NLRP2: variants seen among roughly 807,000 people sequenced by gnomAD.
The protein encoded by NLRP2 is NACHT, LRR and PYD domains-containing protein 2.
A neutral mutation model predicts 97.2 loss-of-function variants in NLRP2; 107 were observed. That is an observed-to-expected ratio of 1.10 (90% confidence interval 0.94 to 1.29). The LOEUF (loss-of-function observed/expected upper bound fraction) is 1.29. NLRP2 is among the 50% of genes most tolerant of loss of function. The pLI is 0.00. For synonymous variants in NLRP2, 663 were observed against 551.5 expected (o/e 1.20, Z -2.83); for missense variants, 1,495 against 1,330.3 (o/e 1.12, Z -1.93).
chr19:54,983,072 G>C lies in NLRP2; in HGVS notation c.1374G>C (p.Leu458=). Residue 458 remains leucine, a synonymous_variant, in exon 6 of 13, where the codon CTG becomes CTC. Transcript: ENST00000448584. Reference sequence around the variant, plus strand: ...TGAGCCTCCTGGCCGCGCAGGGCCTGTGGGCGCAGACGTCCGTGCTTCACC... The same window carrying C: ...TGAGCCTCCTGGCCGCGCAGGGCCTCTGGGCGCAGACGTCCGTGCTTCACC... ...RTLSLLAAQG[L]WAQTSVLHRE... is the part of the protein sequence containing the mutation. 6.2e-7 allele frequency: 1 copy of C among 1,612,736 alleles called. No homozygotes were observed. The highest frequency in any genetic ancestry group is 8.5e-7 in the Non-Finnish European group (1 of 1,179,782).
Position 54,981,599 on chromosome 19 carries a change from TGA to T in NLRP2, c.398-16_398-15del. 1.5e-6 allele frequency: 2 copies of T among 1,299,310 alleles called. No homozygotes were observed. Among genetic ancestry groups the T allele is most frequent in the African/African-American group, 1.6e-5 (1 of 63,216 alleles). The allele number at this position is 1,299,310 out of a possible 1,614,324, so 80.5% of individuals were successfully genotyped here. On this transcript the variant is annotated splice_polypyrimidine_tract_variant and intron_variant, in intron 4 of 12. Coordinates refer to ENST00000448584, the MANE Select transcript of NLRP2 (RefSeq NM_017852.5). Reference sequence around the variant, plus strand: ...CACCTGATTTTGTGTCAATCTCACATGAGTTTGTATTTTGTAGCGTTTACAGA... The same window carrying T: ...CACCTGATTTTGTGTCAATCTCACATGTTTGTATTTTGTAGCGTTTACAGA...
At chr19:54,984,901 T>C (rs2071947241) in intron 6 of NLRP2, 146 bp from the exon 7 acceptor site, 1 of 772,296 alleles carries the variant, frequency 1.3e-6, no homozygotes, top group Non-Finnish European at 2.3e-6. Flanking sequence ...GGGTGTTGAG[T>C]TGTCTGATGG....
intron 8 of NLRP2, 144 bp from the exon 9 acceptor site, chr19:54,989,877 GC>G (rs2072341187): frequency 2.5e-6 from 2 of 805,552 alleles, no homozygotes; most frequent in African/African-American, 3.4e-5. Context: ...TGCAGTCCCA[GC>G]TACTCGGGAG....
chr19:54,987,611 G>A lies in NLRP2; in HGVS notation c.2366+1296G>A, dbSNP rs185962106. 1.2e-3 allele frequency among the ~76,000 whole-genome samples: 175 copies of A among 152,160 alleles called. 3 individuals carry two copies. Among genetic ancestry groups the A allele is most frequent in the African/African-American group, 3.9e-3 (162 of 41,508 alleles). On this transcript the variant is annotated intron_variant, in intron 8 of 12. Coordinates refer to ENST00000448584, the MANE Select transcript of NLRP2 (RefSeq NM_017852.5). ...ACAAAAATTAGCTGGGCATGTTGGC[G>A]CACGCCTGTAGTCCCAGCTACTCAG...
chr19:54,970,442 A>G (rs1306864982), intron 2 of NLRP2, 147 bp downstream of exon 2: 1 of 844,716 alleles, frequency 1.2e-6, no homozygotes, highest in Non-Finnish European at 1.9e-6. Flanking sequence ...CCTGAGGGTC[A>G]GGAGTTTGAG....
Position 54,994,369 on chromosome 19 carries a change from A to C in NLRP2, c.2809A>C (p.Ile937Leu). The C allele has an allele frequency of 1.2e-6, 2 of 1,614,060 alleles. No homozygotes were observed. Among genetic ancestry groups the C allele is most frequent in the Non-Finnish European group, 1.7e-6 (2 of 1,180,040 alleles). The change falls in exon 11 of 13, where the codon ATA becomes CTA. Residue 937 changes from isoleucine (I) to leucine (L), a missense_variant. Ile to Leu is a conservative substitution (Grantham distance 5). Coordinates refer to ENST00000448584, the MANE Select transcript of NLRP2 (RefSeq NM_017852.5). Reference protein sequence around the residue: ...LLCLDLGLNHIGVKGMKFLCE... With the variant: ...LLCLDLGLNHLGVKGMKFLCE... Reference sequence around the variant, plus strand: ...GTGTTTGGATCTGGGGCTGAATCACATAGGAGTTAAGGGAATGAAGTTCCT... The same window carrying C: ...GTGTTTGGATCTGGGGCTGAATCACCTAGGAGTTAAGGGAATGAAGTTCCT...
At chr19:54,967,218 C>T (rs2070508091) in intron 1 of NLRP2, among the ~76,000 whole-genome samples, 1 of 152,096 alleles carries the variant, frequency 6.6e-6, no homozygotes, top group African/African-American at 2.4e-5. Flanking sequence ...CTCAGTGGCT[C>T]ACGCCTGTAA....
Position 54,982,380 on chromosome 19 carries a change from C to T in NLRP2, c.682C>T (p.Leu228=), listed in dbSNP as rs770038059. 1 of 1,614,124 alleles carries T rather than the reference C, an allele frequency of 6.2e-7. No individual in the cohort carries two copies. The highest frequency in any genetic ancestry group is 8.5e-7 in the Non-Finnish European group (1 of 1,180,020). The part of the protein sequence containing the change: ...GKTTLAQKLM[L]DWAEDNLIHK... Reference sequence around the variant, plus strand: ...AACCACGCTGGCCCAGAAACTAATGCTAGACTGGGCAGAGGACAACCTCAT... The same window carrying T: ...AACCACGCTGGCCCAGAAACTAATGTTAGACTGGGCAGAGGACAACCTCAT... The change falls in exon 6 of 13, where the codon CTA becomes TTA. Residue 228 remains leucine, a synonymous_variant. Coordinates refer to ENST00000448584, the MANE Select transcript of NLRP2 (RefSeq NM_017852.5).
Position 54,981,601 on chromosome 19 carries a change from A to G in NLRP2, c.398-16A>G, listed in dbSNP as rs1362330374. On this transcript the variant is annotated splice_polypyrimidine_tract_variant and intron_variant, in intron 4 of 12. Coordinates refer to ENST00000448584, the MANE Select transcript of NLRP2 (RefSeq NM_017852.5). Reference sequence around the variant, plus strand: ...CCTGATTTTGTGTCAATCTCACATGAGTTTGTATTTTGTAGCGTTTACAGA... The same window carrying G: ...CCTGATTTTGTGTCAATCTCACATGGGTTTGTATTTTGTAGCGTTTACAGA... 1 of 1,503,592 alleles carries G rather than the reference A, an allele frequency of 6.7e-7. No homozygotes were observed. Among genetic ancestry groups the G allele is most frequent in the South Asian group, 1.1e-5 (1 of 88,880 alleles). 93.1% of individuals were successfully genotyped at this position (1,503,592 alleles called of 1,614,324 possible).
At chr19:54,984,836 C>T (rs923686694) in intron 6 of NLRP2, among the ~76,000 whole-genome samples, 6 of 151,834 alleles carry the variant, frequency 4.0e-5, no homozygotes, top group African/African-American at 7.3e-5. Flanking sequence ...TTATTTTTAC[C>T]CTCTATTGGA....
In NLRP2 at chr19:54,990,597, A is replaced by G; in HGVS notation, c.2633A>G (p.Asn878Ser). 6.2e-7 allele frequency: 1 copy of G among 1,614,056 alleles called. No individual in the cohort carries two copies. The highest frequency in any genetic ancestry group is 8.5e-7 in the Non-Finnish European group (1 of 1,180,020). ...RELTHLCLAK[N>S]PIGNTGVKFL... ...CTGACACACCTGTGCTTGGCCAAGA[A>G]CCCCATTGGGAATACAGGGGTGAAG... Residue 878 changes from asparagine (N) to serine (S), a missense_variant, in exon 10 of 13, where the codon AAC becomes AGC. Asn to Ser is a conservative substitution (Grantham distance 46). Transcript: ENST00000448584.
rs150034745 is a variant in NLRP2, at chr19:54,989,428, C to T, written c.2367-594C>T. 3.9e-3 allele frequency: 634 copies of T among 162,160 alleles called. 1 individual carries two copies. The highest frequency in any genetic ancestry group is 0.014 in the African/African-American group (593 of 41,522). The allele number at this position is 162,160 out of a possible 1,614,324, so 10.0% of individuals were successfully genotyped here. ...CAGAGGTTGCTGTGAGCTGAGATCGCGCCACTACACTCCAGCCAGGGCGAC... is the reference window on the plus strand; with the variant it reads ...CAGAGGTTGCTGTGAGCTGAGATCGTGCCACTACACTCCAGCCAGGGCGAC... On this transcript the variant is annotated intron_variant, in intron 8 of 12. Coordinates refer to ENST00000448584, the MANE Select transcript of NLRP2 (RefSeq NM_017852.5).
intron 2 of NLRP2, among the ~76,000 whole-genome samples, chr19:54,972,597 C>T (rs71367130): frequency 3.3e-5 from 5 of 151,760 alleles, no homozygotes; most frequent in African/African-American, 1.2e-4. Context: ...ACTATGGCCT[C>T]CCACCACACC....
intron 8 of NLRP2, chr19:54,989,773 T>G: frequency 1.7e-6 from 1 of 571,742 alleles, no homozygotes. Context: ...CACCTGAGAT[T>G]GGGAGTTTGA....
At position 54,966,431 on chromosome 19, in the gene NLRP2, C is replaced by T. The variant is rs141481510; in HGVS notation, c.-54C>T. 1.4e-4 allele frequency: 21 copies of T among 152,272 alleles called. No homozygotes were observed. The East Asian group carries it at 3.5e-3, about 25-fold the overall frequency. 9.4% of individuals were successfully genotyped at this position (152,272 alleles called of 1,614,324 possible). A position where few individuals can be genotyped will look rare whatever the true frequency, so the allele number is the denominator to read the frequency against. On this transcript the variant is annotated 5_prime_UTR_variant, in exon 1 of 13. Coordinates refer to ENST00000448584, the MANE Select transcript of NLRP2 (RefSeq NM_017852.5). The stretch of plus-strand genomic sequence containing the variant: ...ATTAGAGCTTTCTCAACCTGCAGCC[C>T]TCATCTCCGCCGGCGAGTAGGGCCA...
intron 2 of NLRP2, 70 bp from the exon 3 acceptor site, chr19:54,974,430 C>G: frequency 9.0e-7 from 1 of 1,116,508 alleles, no homozygotes; most frequent in Non-Finnish European, 1.4e-6. Flanking sequence ...GTCATCTTTT[C>G]TTTTATGAAG....
At chr19:55,000,723 G>T in intron 12 of NLRP2, 37 bp from the exon 13 acceptor site, 2 of 1,609,642 alleles carry the variant, frequency 1.2e-6, no homozygotes, top group Non-Finnish European at 1.7e-6. Flanking sequence ...TCTCCTTGAT[G>T]CACAAAGTAA....
chr19:54,990,920 G>A (rs774943774), intron 10 of NLRP2: 2 of 552,548 alleles, frequency 3.6e-6, no homozygotes, highest in Non-Finnish European at 3.2e-6. Context: ...TCCTCTTTAT[G>A]TATGTATGTA....
chr19:54,971,584 A>AT (rs534635816), intron 2 of NLRP2, among the ~76,000 whole-genome samples: 1,794 of 151,266 alleles, frequency 0.012, 40 homozygotes, highest in African/African-American at 0.042. Flanking sequence ...GATGATGAGC[A>AT]TTTTTTCATG....
Sources: gnomAD v4.1 joint callset for allele counts (sites outside exome capture counted in the v4.1 genomes callset) on GRCh38, gnomAD v4.1.1 for gene constraint, MANE v1.5 for transcripts, NCBI Gene and HGNC (gene_info 2026-07-23, HGNC 2026-07-21) for gene names.